The following SH3BGR variants were observed in gnomAD, a reference collection of about 807,000 sequenced individuals.
SH3BGR encodes the protein SH3 domain binding glutamate rich protein.
In SH3BGR, 29 loss-of-function variants were observed where a neutral mutation model predicts 24.5. The observed-to-expected ratio is 1.18, with a 90% CI of 0.88 to 1.61. SH3BGR has a LOEUF of 1.61. SH3BGR is among the 40% of genes most tolerant of loss of function. The probability of loss-of-function intolerance (pLI) is 0.00; values close to 1 mark genes in which losing one functional copy is unlikely to be tolerated. For missense variants in SH3BGR, 162 were observed against 205.8 expected (o/e 0.79, Z 1.30); for synonymous variants, 55 against 65.7 (o/e 0.84, Z 0.79).
chr21:39,491,361 A>G (rs944110769), intron 3 of SH3BGR, among the ~76,000 whole-genome samples: 1 of 151,414 alleles, frequency 6.6e-6, no homozygotes, highest in African/African-American at 2.4e-5. Flanking sequence ...CGTTGGCCAG[A>G]CTGGTCTTGA....
At chr21:39,462,294 A>G (rs2077767699) in intron 1 of SH3BGR, 81 bp from the exon 2 acceptor site, 2 of 983,314 alleles carry the variant, frequency 2.0e-6, no homozygotes, top group South Asian at 1.5e-5. Context: ...GTATAGTATA[A>G]CTAGAGGAAG....
At chr21:39,479,224 G>GGGTGGTGGTGGTGGTGGTGGTGGTGGT (rs973677506) in intron 3 of SH3BGR, among the ~76,000 whole-genome samples, 1 of 137,688 alleles carries the variant, frequency 7.3e-6, no homozygotes, top group African/African-American at 3.2e-5. Flanking sequence ...GAGGTGGTAA[G>GGGTGGTGGTGGTGGTGGTGGTGGTGGT]GGTGGTGGTG....
intron 3 of SH3BGR, among the ~76,000 whole-genome samples, chr21:39,481,669 AAATTAAT>A (rs1371991633): frequency 5.4e-4 from 83 of 152,336 alleles, no homozygotes; most frequent in African/African-American, 1.8e-3. Context: ...TTTTACTCTA[AAATTAAT>A]AATTAAAAGA....
intron 1 of SH3BGR, among the ~76,000 whole-genome samples, chr21:39,456,182 G>C (rs930144952): frequency 2.6e-5 from 4 of 152,166 alleles, no homozygotes; most frequent in African/African-American, 9.7e-5. Flanking sequence ...AGGTGGCTTG[G>C]ACCTGGGCCA....
rs894775159 is a variant in SH3BGR, at chr21:39,504,912, G to C, written c.406-4086G>C. 3.9e-5 allele frequency among the ~76,000 whole-genome samples: 6 copies of C among 152,142 alleles called. No homozygotes were observed. In the East Asian group the frequency reaches 1.2e-3, roughly 29 times the overall value. On this transcript the variant is annotated intron_variant, in intron 4 of 6. Transcript: ENST00000333634. The stretch of plus-strand genomic sequence containing the variant: ...GCATTGGCATAATCATAGTGGGCTC[G>C]AGTGATTCTTCCACGTCAGCCTCCC...
intron 5 of SH3BGR, among the ~76,000 whole-genome samples, chr21:39,509,769 T>C (rs922861685): frequency 6.6e-6 from 1 of 151,192 alleles, no homozygotes; most frequent in African/African-American, 2.4e-5. Flanking sequence ...GCCACTGCAC[T>C]GGGCCTGGAT....
At chr21:39,465,610 T>C (rs1168433627) in intron 2 of SH3BGR, among the ~76,000 whole-genome samples, 1 of 152,026 alleles carries the variant, frequency 6.6e-6, no homozygotes, top group East Asian at 1.9e-4. Flanking sequence ...TTTAATTTTA[T>C]GATAGGGTCT....
At chr21:39,466,174 C>T (rs1036086616) in intron 2 of SH3BGR, among the ~76,000 whole-genome samples, 12 of 152,160 alleles carry the variant, frequency 7.9e-5, no homozygotes, top group Admixed American at 2.6e-4. Context: ...TTTACATTTC[C>T]ACCAGCTGAG....
chr21:39,457,116 C>A (rs2077668403), intron 1 of SH3BGR, among the ~76,000 whole-genome samples: 1 of 144,840 alleles, frequency 6.9e-6, no homozygotes. Flanking sequence ...TATTATATAC[C>A]ATATATAATC....
intron 2 of SH3BGR, among the ~76,000 whole-genome samples, chr21:39,473,297 A>T (rs2077971952): frequency 6.6e-6 from 1 of 152,174 alleles, no homozygotes; most frequent in Non-Finnish European, 1.5e-5. Flanking sequence ...AGAACTTTAT[A>T]TATGGAATTT....
chr21:39,461,798 G>A (rs907182150), intron 1 of SH3BGR, among the ~76,000 whole-genome samples: 2 of 152,004 alleles, frequency 1.3e-5, no homozygotes, highest in Non-Finnish European at 2.9e-5. Context: ...GTCTTCTAAA[G>A]CCCAAATTTA....
At chr21:39,459,533 CTTTCTTTCTT>C (rs1173429621) in intron 1 of SH3BGR, among the ~76,000 whole-genome samples, 1 of 149,318 alleles carries the variant, frequency 6.7e-6, no homozygotes, top group Non-Finnish European at 1.5e-5. Context: ...CTTTTTCTTT[CTTTCTTTCTT>C]TTTCTTTCTG....
chr21:39,465,455 T>A (rs775803598), intron 2 of SH3BGR, among the ~76,000 whole-genome samples: 1 of 152,248 alleles, frequency 6.6e-6, no homozygotes, highest in Non-Finnish European at 1.5e-5. Flanking sequence ...CAATTTCGTG[T>A]TTGGGTTTGC....
At chr21:39,452,363 G>A (rs149866895) in intron 1 of SH3BGR, among the ~76,000 whole-genome samples, 141 of 152,324 alleles carry the variant, frequency 9.3e-4, no homozygotes, top group African/African-American at 3.2e-3. Context: ...ATTCGAGTAA[G>A]GAGGCGTGCT....
chr21:39,496,795 A>G (rs1235219210), intron 3 of SH3BGR, among the ~76,000 whole-genome samples: 1 of 152,158 alleles, frequency 6.6e-6, no homozygotes, highest in African/African-American at 2.4e-5. Flanking sequence ...TGTGAAGAAC[A>G]TAGTTTAATT....
intron 1 of SH3BGR, among the ~76,000 whole-genome samples, chr21:39,458,365 G>A (rs2148454054): frequency 6.6e-6 from 1 of 152,138 alleles, no homozygotes; most frequent in East Asian, 1.9e-4. Flanking sequence ...TTGAGACAGA[G>A]TCTTGCTCTG....
At chr21:39,512,617 G>A (rs1179783866) in intron 6 of SH3BGR, among the ~76,000 whole-genome samples, 1 of 152,138 alleles carries the variant, frequency 6.6e-6, no homozygotes, top group African/African-American at 2.4e-5. Context: ...CAGCATGCGT[G>A]AAAACCCCTA....
intron 1 of SH3BGR, among the ~76,000 whole-genome samples, chr21:39,455,547 G>A (rs1287692253): frequency 6.6e-6 from 1 of 152,244 alleles, no homozygotes; most frequent in Non-Finnish European, 1.5e-5. Flanking sequence ...CTGGGAGTCA[G>A]CTCAGCAGGC....
At chr21:39,459,996 A>G (rs8130752) in intron 1 of SH3BGR, among the ~76,000 whole-genome samples, 137,169 of 152,294 alleles carry the variant, frequency 0.9, 61,825 homozygotes, top group African/African-American at 0.92. Context: ...TCTTTGAAGA[A>G]AGAAAATTGT....
Sources: allele counts gnomAD v4.1 joint callset (sites outside exome capture counted in the v4.1 genomes callset), GRCh38; gene constraint gnomAD v4.1.1; transcripts MANE v1.5; gene names NCBI Gene and HGNC (gene_info 2026-07-23, HGNC 2026-07-21).